PLCL2: variants seen among roughly 807,000 people sequenced by gnomAD.
The protein encoded by PLCL2 is inactive phospholipase C-like protein 2.
PLCL2 carries 4 observed loss-of-function variants against 79.6 expected under a neutral mutation model. The ratio of observed to expected loss-of-function variants is 0.05; its 90% CI spans 0.02 to 0.11. PLCL2 has a LOEUF of 0.11. PLCL2 is among the 10% of genes least tolerant of loss of function. PLCL2 has a pLI of 1.00. For missense variants in PLCL2, 895 were observed against 1,291.0 expected (o/e 0.69, Z 4.70); for synonymous variants, 484 against 457.7 (o/e 1.06, Z -0.73).
Position 16,887,040 on chromosome 3 carries a change from T to C in PLCL2, c.327+1674T>C, listed in dbSNP as rs1696242354. ...TGAATTACAAAAACATTTGTTTTAA[T>C]TTTACATTACTGGGCGATAAGCAAG... On this transcript the variant is annotated intron_variant, in intron 1 of 5. Transcript: ENST00000615277. This position sits in a 1 kb window ranked among gnomAD's most constrained non-coding sequence, Gnocchi z 4.1. Among the ~76,000 whole-genome samples the C allele has an allele frequency of 6.6e-6, 1 of 152,250 alleles. No individual in the cohort carries two copies. The highest frequency in any genetic ancestry group is 2.4e-5 in the African/African-American group (1 of 41,462).
chr3:16,945,593 CTAT>C (rs1353956654), intron 1 of PLCL2, among the ~76,000 whole-genome samples: 2 of 152,164 alleles, frequency 1.3e-5, no homozygotes, highest in African/African-American at 4.8e-5. Context: ...TCTGGATTTA[CTAT>C]AGTGTGTTGT....
chr3:16,894,738 T>TG (rs1413925562), intron 1 of PLCL2, among the ~76,000 whole-genome samples: 9 of 152,224 alleles, frequency 5.9e-5, no homozygotes, highest in Middle Eastern at 3.4e-3. Flanking sequence ...TCTTGGCCAT[T>TG]TGGATATTCT....
At chr3:16,953,816 A>T (rs1559496816) in intron 1 of PLCL2, among the ~76,000 whole-genome samples, 1 of 151,982 alleles carries the variant, frequency 6.6e-6, no homozygotes, top group Non-Finnish European at 1.5e-5. Flanking sequence ...TGTATCTTTT[A>T]TAGTAGACAT....
chr3:16,897,316 C>T (rs1463576350), intron 1 of PLCL2, among the ~76,000 whole-genome samples: 3 of 150,478 alleles, frequency 2.0e-5, no homozygotes, highest in Non-Finnish European at 3.0e-5. Flanking sequence ...AAAAAAAAGG[C>T]CCTGGGTTGG....
chr3:17,061,416 G>A (rs975355791), intron 4 of PLCL2, among the ~76,000 whole-genome samples: 7 of 152,084 alleles, frequency 4.6e-5, no homozygotes, highest in Admixed American at 4.6e-4. Flanking sequence ...GTATGCAGTT[G>A]TACTAAATGT....
chr3:17,067,699 T>C (rs2065023643), intron 4 of PLCL2, among the ~76,000 whole-genome samples: 1 of 152,176 alleles, frequency 6.6e-6, no homozygotes, highest in Non-Finnish European at 1.5e-5. Flanking sequence ...AAAATAAGAA[T>C]AACAATGATC....
At chr3:16,888,007 G>T (rs551920677) in intron 1 of PLCL2, among the ~76,000 whole-genome samples, 1 of 152,042 alleles carries the variant, frequency 6.6e-6, no homozygotes, top group Non-Finnish European at 1.5e-5. Context: ...AACTGAGGCC[G>T]GTATTTATGG....
intron 1 of PLCL2, among the ~76,000 whole-genome samples, chr3:16,938,356 A>G (rs748079572): frequency 2.0e-5 from 3 of 152,202 alleles, no homozygotes; most frequent in Non-Finnish European, 4.4e-5. Context: ...TTGCTGACAG[A>G]GGAAGAAGTA....
intron 1 of PLCL2, among the ~76,000 whole-genome samples, chr3:16,935,296 C>T (rs1048370529): frequency 2.0e-5 from 3 of 151,978 alleles, no homozygotes; most frequent in Non-Finnish European, 4.4e-5. Context: ...TCTTTAGTTG[C>T]TTAACCCTTT....
In PLCL2 at chr3:16,978,254, T is replaced by A. The variant is rs200581698; in HGVS notation, c.328-31420T>A. Among the ~76,000 whole-genome samples, 9 of 152,178 alleles carry A rather than the reference T, an allele frequency of 5.9e-5. No individual in the cohort carries two copies. In the East Asian group the frequency reaches 1.7e-3, roughly 29 times the overall value. On this transcript the variant is annotated intron_variant, in intron 1 of 5. Coordinates refer to ENST00000615277, the MANE Select transcript of PLCL2 (RefSeq NM_001144382.2). ...CCCTACCCTTTTTATTGTTGAGAGGTGGACAACTTACAAAAATTAATCGAA... is the reference window on the plus strand; with the variant it reads ...CCCTACCCTTTTTATTGTTGAGAGGAGGACAACTTACAAAAATTAATCGAA...
intron 4 of PLCL2, among the ~76,000 whole-genome samples, chr3:17,063,113 C>T (rs2064968260): frequency 6.6e-6 from 1 of 150,808 alleles, no homozygotes; most frequent in Non-Finnish European, 1.5e-5. Context: ...ATGATCATCA[C>T]AAGAGAAACT....
intron 1 of PLCL2, among the ~76,000 whole-genome samples, chr3:16,921,038 G>A (rs1418364592): frequency 6.6e-6 from 1 of 152,146 alleles, no homozygotes; most frequent in East Asian, 1.9e-4. Flanking sequence ...TTAACATTTT[G>A]ACTGAAAAGC....
chr3:16,966,683 C>T (rs528741566), intron 1 of PLCL2, among the ~76,000 whole-genome samples: 9 of 152,146 alleles, frequency 5.9e-5, no homozygotes, highest in Non-Finnish European at 1.0e-4. Flanking sequence ...TAATTATTGC[C>T]TCAATTTCAG....
chr3:17,064,022 G>A (rs983647167), intron 4 of PLCL2, among the ~76,000 whole-genome samples: 2 of 152,216 alleles, frequency 1.3e-5, no homozygotes, highest in African/African-American at 4.8e-5. Context: ...AGAAGGAGAA[G>A]AGATGCTACT....
chr3:16,924,955 G>A (rs1293939664), intron 1 of PLCL2, among the ~76,000 whole-genome samples: 16 of 150,142 alleles, frequency 1.1e-4, no homozygotes, highest in Admixed American at 2.0e-4. Context: ...ATGGAGTCTC[G>A]CTCTGTCACC....
At chr3:16,962,139 T>C (rs945450849) in intron 1 of PLCL2, among the ~76,000 whole-genome samples, 6 of 152,178 alleles carry the variant, frequency 3.9e-5, no homozygotes, top group African/African-American at 1.4e-4. Context: ...CATTTTCCTC[T>C]TATGGCAGTA....
At position 17,009,183 on chromosome 3, in the gene PLCL2, G is replaced by A. The variant is rs1046370311; in HGVS notation, c.328-491G>A. Among the ~76,000 whole-genome samples the A allele has an allele frequency of 6.6e-6, 1 of 151,354 alleles. No individual in the cohort carries two copies. Among genetic ancestry groups the A allele is most frequent in the African/African-American group, 2.4e-5 (1 of 41,172 alleles). On this transcript the variant is annotated intron_variant, in intron 1 of 5. Transcript: ENST00000615277. The surrounding 1 kb of genome is among the most constrained non-coding windows in gnomAD (Gnocchi z 4.0). ...TATTTTTAGTAGAGACAGGGTTTCA[G>A]CACGTTGGCCAGGCTGGTCTCAAAC...
At chr3:16,950,083 G>A (rs1200070513) in intron 1 of PLCL2, among the ~76,000 whole-genome samples, 1 of 152,140 alleles carries the variant, frequency 6.6e-6, no homozygotes, top group Non-Finnish European at 1.5e-5. Context: ...GGTAGGACAA[G>A]ACCTTTGCTC....
chr3:17,088,434 A>G (rs2065242183), intron 5 of PLCL2, among the ~76,000 whole-genome samples: 1 of 152,188 alleles, frequency 6.6e-6, no homozygotes, highest in Non-Finnish European at 1.5e-5. Context: ...AGGGGATGGG[A>G]AAAAATAGCA....
Sources: gnomAD v4.1 joint callset for allele counts (sites outside exome capture counted in the v4.1 genomes callset) on GRCh38, gnomAD v4.1.1 for gene constraint, Gnocchi (gnomAD v3.1) non-coding constraint, MANE v1.5 for transcripts, NCBI Gene and HGNC (gene_info 2026-07-23, HGNC 2026-07-21) for gene names.